TNIP1: variants seen among roughly 807,000 people sequenced by gnomAD.
TNIP1 encodes TNFAIP3 interacting protein 1.
TNIP1 carries 22 observed loss-of-function variants against 86.6 expected under a neutral mutation model. The observed-to-expected ratio is 0.25, with a 90% CI of 0.18 to 0.36. The LOEUF (loss-of-function observed/expected upper bound fraction) is 0.36. Among genes scored for constraint, TNIP1 ranks in the 10% least tolerant of loss-of-function variants. The pLI, the probability that TNIP1 is intolerant of heterozygous loss-of-function variation, is 1.00. For missense variants in TNIP1, 709 were observed against 820.6 expected (o/e 0.86, Z 1.66); for synonymous variants, 294 against 313.0 (o/e 0.94, Z 0.64).
In TNIP1 at chr5:151,035,726, G is replaced by A. The variant is rs144940540; in HGVS notation, c.1396-19C>T. ...TCTTCACCTGGTGTGGAGGGAGGGT[G>A]AAGAGAGGGAGGGGGATGGTCCTGA... On this transcript the variant is annotated intron_variant, in intron 13 of 17. Coordinates refer to ENST00000521591, the MANE Select transcript of TNIP1 (RefSeq NM_006058.5). 6.8e-4 allele frequency: 1,094 copies of A among 1,613,544 alleles called. 2 individuals are homozygous for A. The highest frequency in any genetic ancestry group is 9.2e-4 in the Admixed American group (55 of 60,018).
rs1761071756 is a variant in TNIP1 at position 151,059,226 on chromosome 5, G to C, written c.435+1092C>G. Among the ~76,000 whole-genome samples, 2 of 152,242 alleles carry C rather than the reference G, an allele frequency of 1.3e-5. 1 individual carries two copies. The highest frequency in any genetic ancestry group is 4.1e-4 in the South Asian group (2 of 4,838). On this transcript the variant is annotated intron_variant, in intron 5 of 17. Transcript: ENST00000521591. The stretch of plus-strand genomic sequence containing the variant: ...TTAAAGTTATCGGTCCAAAGTCAGA[G>C]TGAAACACTTTCTGAGCAGGGGATC...
chr5:151,059,862 T>TGCGCGC (rs1339776029), intron 5 of TNIP1, among the ~76,000 whole-genome samples: 3 of 96,436 alleles, frequency 3.1e-5, no homozygotes, highest in African/African-American at 1.0e-4. Flanking sequence ...TGTGTGTGTG[T>TGCGCGC]GTGTGCGCGC....
In TNIP1 at chr5:151,030,158, T is replaced by C. The variant is rs1467845227; in HGVS notation, c.*555A>G. 2.2e-6 allele frequency: 1 copy of C among 456,736 alleles called. No individual in the cohort carries two copies. The highest frequency in any genetic ancestry group is 2.0e-5 in the African/African-American group (1 of 50,092). The allele number at this position is 456,736 out of a possible 1,614,324, so 28.3% of individuals were successfully genotyped here. A position where few individuals can be genotyped will look rare whatever the true frequency, so the allele number is the denominator to read the frequency against. ...TCTGTGATGGCTTCAGCAAGGCTACTGTGAGTGGTGGTGGAGAGGGCCCCA... is the reference window on the plus strand; with the variant it reads ...TCTGTGATGGCTTCAGCAAGGCTACCGTGAGTGGTGGTGGAGAGGGCCCCA... On this transcript the variant is annotated 3_prime_UTR_variant, in exon 18 of 18. Transcript: ENST00000521591.
chr5:151,030,819 C>T, intron 17 of TNIP1, 72 bp from the exon 18 acceptor site: 2 of 1,296,706 alleles, frequency 1.5e-6, no homozygotes, highest in Non-Finnish European at 1.1e-6. Context: ...TTATGGAATG[C>T]AGTGCAGGAA....
intron 1 of TNIP1, among the ~76,000 whole-genome samples, chr5:151,066,684 T>C (rs777919255): frequency 2.6e-5 from 4 of 152,176 alleles, no homozygotes; most frequent in Non-Finnish European, 4.4e-5. Context: ...CTAACATGCA[T>C]ACTAATCTCA....
chr5:151,068,084 AG>A (rs2076413026), intron 1 of TNIP1, among the ~76,000 whole-genome samples: 1 of 152,218 alleles, frequency 6.6e-6, no homozygotes, highest in Non-Finnish European at 1.5e-5. Context: ...CTTTAGCCTC[AG>A]GGGGCAGAGC....
At chr5:151,080,512 T>C (rs764999941) in intron 1 of TNIP1, among the ~76,000 whole-genome samples, 1 of 144,440 alleles carries the variant, frequency 6.9e-6, no homozygotes, top group Non-Finnish European at 1.5e-5. Flanking sequence ...GTACACTGCT[T>C]CCACAACTTG....
At chr5:151,032,500 A>G (rs757416546) in intron 16 of TNIP1, 117 bp from the exon 17 acceptor site, 63 of 1,065,764 alleles carry the variant, frequency 5.9e-5, no homozygotes, top group Non-Finnish European at 8.3e-5. Flanking sequence ...TCTTTATAAC[A>G]ACCCAGGCTG....
rs768677901 is a variant in TNIP1 at position 151,035,623 on chromosome 5, C to T, written c.1480G>A (p.Val494Met). The T allele has an allele frequency of 6.2e-7, 1 of 1,614,220 alleles. No homozygotes were observed. Among genetic ancestry groups the T allele is most frequent in the Admixed American group, 1.7e-5 (1 of 60,030 alleles). ...GTGACCTGGGCCTGCAGCTTCTCCA[C>T]TTGCTTCTTCAGCTCTTCCTTCTCC... ...NEEKEELKKQ[V>M]EKLQAQVTLS... is the part of the protein sequence containing the mutation. Residue 494 changes from valine (V) to methionine (M), a missense_variant, in exon 14 of 18, where the codon GTG (valine) becomes ATG (methionine). Val to Met is a conservative substitution (Grantham distance 21). Coordinates refer to ENST00000521591, the MANE Select transcript of TNIP1 (RefSeq NM_006058.5).
At position 151,036,837 on chromosome 5, in the gene TNIP1, G is replaced by A; in HGVS notation, c.1348C>T (p.Leu450=). The change falls in exon 13 of 18, where the codon CTA becomes TTA. Residue 450 remains leucine, a synonymous_variant. Transcript: ENST00000521591. ...FGSPEGAGAL[L]RKQELVTQNE... ...TGCGTGACCAGCTCCTGTTTCCTTA[G>A]GAGGGCCCCTGCTCCTTCTGGGCTC... 1 of 1,614,026 alleles carries A rather than the reference G, an allele frequency of 6.2e-7. No homozygotes were observed. The highest frequency in any genetic ancestry group is 1.1e-5 in the South Asian group (1 of 91,086).
intron 9 of TNIP1, 52 bp from the exon 10 acceptor site, chr5:151,043,013 G>C: frequency 6.3e-7 from 1 of 1,594,054 alleles, no homozygotes; most frequent in Non-Finnish European, 8.6e-7. Context: ...GGAACAAGGA[G>C]AGCCATCTCC....
At chr5:151,071,443 G>A (rs1186966819) in intron 1 of TNIP1, among the ~76,000 whole-genome samples, 1 of 152,100 alleles carries the variant, frequency 6.6e-6, no homozygotes, top group Non-Finnish European at 1.5e-5. Flanking sequence ...AATAACATGG[G>A]GGGTTGTGCG....
chr5:151,035,775 G>C lies in TNIP1; in HGVS notation c.1396-68C>G. Reference sequence around the variant, plus strand: ...GAGTGGGGATTTCTCCTCAGGCCCAGACTCCCATGCCTCCTGCTGGGGTCA... The same window carrying C: ...GAGTGGGGATTTCTCCTCAGGCCCACACTCCCATGCCTCCTGCTGGGGTCA... On this transcript the variant is annotated intron_variant, in intron 13 of 17. Transcript: ENST00000521591. The C allele has an allele frequency of 1.9e-6, 3 of 1,593,504 alleles. No individual in the cohort carries two copies. In the South Asian group the frequency reaches 3.4e-5, roughly 18 times the overall value.
At chr5:151,055,313 G>T (rs1760514575) in intron 6 of TNIP1, among the ~76,000 whole-genome samples, 1 of 152,160 alleles carries the variant, frequency 6.6e-6, no homozygotes, top group Non-Finnish European at 1.5e-5. Flanking sequence ...ACAAGGAGGG[G>T]ACTGAAATAA....
intron 1 of TNIP1, among the ~76,000 whole-genome samples, chr5:151,086,632 A>C (rs3792780): frequency 0.41 from 61,933 of 152,030 alleles, 12,845 homozygotes; most frequent in East Asian, 0.49. Flanking sequence ...CCCACACAGA[A>C]AGACACATAC....
At chr5:151,034,913 G>A (rs1199770297) in intron 15 of TNIP1, 89 bp downstream of exon 15, 10 of 1,458,252 alleles carry the variant, frequency 6.9e-6, no homozygotes, top group Middle Eastern at 1.8e-4. Flanking sequence ...ATGTCCCCAC[G>A]CCCGAGCACA....
chr5:151,073,691 C>T (rs1763074047), intron 1 of TNIP1, among the ~76,000 whole-genome samples: 1 of 151,510 alleles, frequency 6.6e-6, no homozygotes, highest in Non-Finnish European at 1.5e-5. Flanking sequence ...GCCAGGGGTT[C>T]AAGACCAGCC....
At chr5:151,059,822 AGAGAGAGTGTGTGTGTGT>A (rs1761221551) in intron 5 of TNIP1, among the ~76,000 whole-genome samples, 1 of 86,496 alleles carries the variant, frequency 1.2e-5, no homozygotes. Flanking sequence ...AGAGAGAGAG[AGAGAGAGTGTGTGTGTGT>A]GTGTGTGTGT....
intron 1 of TNIP1, 133 bp from the exon 2 acceptor site, chr5:151,065,264 G>A (rs1762091388): frequency 2.8e-6 from 2 of 709,688 alleles, no homozygotes; most frequent in Admixed American, 5.9e-5. Context: ...TTATAGTAAA[G>A]CAGGACAGTC....
Sources: gnomAD v4.1 joint callset for allele counts (sites outside exome capture counted in the v4.1 genomes callset) on GRCh38, gnomAD v4.1.1 for gene constraint, MANE v1.5 for transcripts, NCBI Gene and HGNC (gene_info 2026-07-23, HGNC 2026-07-21) for gene names.